C10orf143: variants seen among roughly 807,000 people sequenced by gnomAD.
C10orf143 encodes uncharacterized protein C10orf143.
At chr10:130,107,701 G>T in intron 1 of C10orf143, 1 of 1,259,574 alleles carries the variant, frequency 7.9e-7, no homozygotes, top group Admixed American at 1.7e-5. Flanking sequence ...CTCCAGGGGG[G>T]GAAGGAAGAG....
intron 3 of C10orf143, among the ~76,000 whole-genome samples, chr10:130,047,937 T>A (rs1860695781): frequency 6.6e-6 from 1 of 152,198 alleles, no homozygotes; most frequent in Non-Finnish European, 1.5e-5. Flanking sequence ...TGTTTTTGCC[T>A]TTGAAGCCCA....
At chr10:130,077,147 A>G (rs1177988392) in intron 3 of C10orf143, among the ~76,000 whole-genome samples, 3 of 152,192 alleles carry the variant, frequency 2.0e-5, no homozygotes, top group Admixed American at 2.0e-4. Flanking sequence ...CAATGGTTAC[A>G]ATACGCCAGA....
rs972748653 is a variant in C10orf143 at position 130,074,074 on chromosome 10, T to C, written c.297+5492A>G. ...CGCACTGTCACTGCCACAGTTCTCA[T>C]AGGGTGTTCGAGCCTGACGCTGGGC... On this transcript the variant is annotated intron_variant, in intron 3 of 3. Coordinates refer to ENST00000637128, the MANE Select transcript of C10orf143 (RefSeq NM_001355042.2). 9.9e-5 allele frequency among the ~76,000 whole-genome samples: 15 copies of C among 152,188 alleles called. 1 individual carries two copies. The highest frequency in any genetic ancestry group is 5.9e-4 in the Admixed American group (9 of 15,282).
At chr10:130,049,003 C>A (rs1298784090) in intron 3 of C10orf143, among the ~76,000 whole-genome samples, 1 of 152,184 alleles carries the variant, frequency 6.6e-6, no homozygotes, top group Non-Finnish European at 1.5e-5. Flanking sequence ...CCGTGCCCAG[C>A]TCCATTTTCT....
chr10:130,085,493 A>G (rs550047743), intron 1 of C10orf143, among the ~76,000 whole-genome samples: 1 of 152,344 alleles, frequency 6.6e-6, no homozygotes, highest in African/African-American at 2.4e-5. Flanking sequence ...TCGAGGTCCT[A>G]AAAGACTGTC....
intron 3 of C10orf143, among the ~76,000 whole-genome samples, chr10:130,041,990 GCA>G (rs1216017966): frequency 6.6e-6 from 1 of 152,066 alleles, no homozygotes; most frequent in African/African-American, 2.4e-5. Flanking sequence ...ACATTCACAT[GCA>G]CACTCATGCA....
chr10:130,104,238 A>G (rs1018022036), intron 1 of C10orf143: 1 of 152,252 alleles, frequency 6.6e-6, no homozygotes, highest in East Asian at 1.9e-4. Context: ...TGTCTGCCCA[A>G]TGGAAACGAT....
chr10:130,072,744 C>T (rs1340813683), intron 3 of C10orf143, among the ~76,000 whole-genome samples: 4 of 152,192 alleles, frequency 2.6e-5, no homozygotes, highest in African/African-American at 9.6e-5. Flanking sequence ...TTTGGTTTCT[C>T]AGTGCATATA....
intron 1 of C10orf143, among the ~76,000 whole-genome samples, chr10:130,092,454 G>A (rs1297728561): frequency 6.6e-6 from 1 of 152,198 alleles, no homozygotes; most frequent in Non-Finnish European, 1.5e-5. Context: ...ACCAGCCACT[G>A]CAAAAACATA....
chr10:130,053,687 G>A (rs565852976), intron 3 of C10orf143, among the ~76,000 whole-genome samples: 26 of 152,354 alleles, frequency 1.7e-4, no homozygotes, highest in African/African-American at 6.0e-4. Flanking sequence ...CGAAAGCCAG[G>A]ACTTTTGGAC....
At chr10:130,070,031 T>C (rs916888770) in intron 3 of C10orf143, among the ~76,000 whole-genome samples, 1 of 152,196 alleles carries the variant, frequency 6.6e-6, no homozygotes, top group East Asian at 1.9e-4. Flanking sequence ...TTTTTAAATA[T>C]ATATCATGAA....
chr10:130,049,238 C>A (rs552416573), intron 3 of C10orf143, among the ~76,000 whole-genome samples: 127 of 152,330 alleles, frequency 8.3e-4, no homozygotes, highest in Non-Finnish European at 1.4e-3. Flanking sequence ...ACAGGGAAAT[C>A]ATCCAGTGGC....
intron 3 of C10orf143, among the ~76,000 whole-genome samples, chr10:130,047,970 C>T (rs1860696030): frequency 6.6e-6 from 1 of 152,212 alleles, no homozygotes; most frequent in African/African-American, 2.4e-5. Flanking sequence ...GTGCTCCAGT[C>T]TGGCAGCCTG....
chr10:130,091,794 A>G (rs115219415), intron 1 of C10orf143, among the ~76,000 whole-genome samples: 13 of 151,588 alleles, frequency 8.6e-5, no homozygotes, highest in Non-Finnish European at 1.9e-4. Context: ...AGCCAAATCG[A>G]CCAAGCCAAA....
At chr10:130,041,601 T>G (rs1334590591) in intron 3 of C10orf143, among the ~76,000 whole-genome samples, 1 of 152,256 alleles carries the variant, frequency 6.6e-6, no homozygotes, top group Non-Finnish European at 1.5e-5. Flanking sequence ...TTTAACACTT[T>G]TGCTGTAGCC....
chr10:130,072,169 T>C (rs531285777), intron 3 of C10orf143, among the ~76,000 whole-genome samples: 3 of 152,340 alleles, frequency 2.0e-5, no homozygotes, highest in South Asian at 4.1e-4. Context: ...TTTTATTTCA[T>C]TGGTTAGTCT....
chr10:130,066,962 G>A (rs975883423), intron 3 of C10orf143: 2 of 152,160 alleles, frequency 1.3e-5, no homozygotes, highest in African/African-American at 4.8e-5. Flanking sequence ...CAGCAATAAT[G>A]GGAAAACCCT....
At chr10:130,076,169 T>C (rs1461259256) in intron 3 of C10orf143, among the ~76,000 whole-genome samples, 1 of 152,070 alleles carries the variant, frequency 6.6e-6, no homozygotes, top group Non-Finnish European at 1.5e-5. Context: ...AATGGACTAC[T>C]ACAGGAGCCA....
chr10:130,105,803 C>G lies in C10orf143; in HGVS notation c.69+4901G>C, dbSNP rs187292634. 3.1e-3 allele frequency among the ~76,000 whole-genome samples: 473 copies of G among 152,296 alleles called. 3 individuals carry two copies. The highest frequency in any genetic ancestry group is 0.011 in the African/African-American group (445 of 41,564). The stretch of plus-strand genomic sequence containing the variant: ...CACGGCTGCCTGGCCAAAACCAAAC[C>G]AAGGGGTGGGGCTTGCGCGGGTCCA... On this transcript the variant is annotated intron_variant, in intron 1 of 3. Transcript: ENST00000637128.
Sources: gnomAD v4.1 joint callset for allele counts (sites outside exome capture counted in the v4.1 genomes callset) on GRCh38, gnomAD v4.1.1 for gene constraint, MANE v1.5 for transcripts, NCBI Gene and HGNC (gene_info 2026-07-23, HGNC 2026-07-21) for gene names.